Variants in C22orf23 observed in about 807,000 individuals in gnomAD.
C22orf23 encodes UPF0193 protein EVG1.
A neutral mutation model predicts 29.7 loss-of-function variants in C22orf23; 30 were observed. The ratio of observed to expected loss-of-function variants is 1.01; its 90% CI spans 0.76 to 1.37. C22orf23 has a LOEUF of 1.37. Ranked by LOEUF, C22orf23 falls within the 40% of genes most tolerant of loss-of-function variation. The pLI, the probability that C22orf23 is intolerant of heterozygous loss-of-function variation, is 0.00. For synonymous variants in C22orf23, 90 were observed against 96.1 expected, an observed-to-expected ratio of 0.94 and a Z score of 0.37; for missense variants, 237 against 273.1, an observed-to-expected ratio of 0.87 and a Z score of 0.93.
At position 37,953,164 on chromosome 22, in the gene C22orf23, G is replaced by A; in HGVS notation, c.-9-6C>T. Reference sequence around the variant, plus strand: ...TGTGAAGCCATGGGAGGACTCTGAGGAGGGAAAGACGCAATGACACACCCC... The same window carrying A: ...TGTGAAGCCATGGGAGGACTCTGAGAAGGGAAAGACGCAATGACACACCCC... On this transcript the variant is annotated splice_polypyrimidine_tract_variant and splice_region_variant and intron_variant, in intron 1 of 6. Coordinates refer to ENST00000403305, the MANE Select transcript of C22orf23 (RefSeq NM_032561.5). 1.3e-6 allele frequency: 2 copies of A among 1,595,788 alleles called. No homozygotes were observed. The highest frequency in any genetic ancestry group is 1.7e-6 in the Non-Finnish European group (2 of 1,164,372).
chr22:37,944,636 C>A lies in C22orf23; in HGVS notation c.482-119G>T, dbSNP rs565555420. On this transcript the variant is annotated intron_variant, in intron 5 of 6. Transcript: ENST00000403305. ...TGTTTCTAGGCCGGGCGCGGTGGCT[C>A]ACGCCTATAATCCCAGCACTTTGGG... 3 of 861,200 alleles carry A rather than the reference C, an allele frequency of 3.5e-6. No homozygotes were observed. In the East Asian group the frequency reaches 7.9e-5, roughly 23 times the overall value. 53.3% of individuals were successfully genotyped at this position (861,200 alleles called of 1,614,324 possible). A position where few individuals can be genotyped will look rare whatever the true frequency, so the allele number is the denominator to read the frequency against.
chr22:37,944,436 A>G lies in C22orf23; in HGVS notation c.563T>C (p.Ile188Thr), dbSNP rs775444329. 6.2e-7 allele frequency: 1 copy of G among 1,614,180 alleles called. No individual in the cohort carries two copies. Among genetic ancestry groups the G allele is most frequent in the Non-Finnish European group, 8.5e-7 (1 of 1,180,040 alleles). Residue 188 changes from isoleucine to threonine, a missense_variant, in exon 6 of 7, where the codon ATC becomes ACC. By Grantham distance (89) the Ile-to-Thr change is moderately conservative. Coordinates refer to ENST00000403305, the MANE Select transcript of C22orf23 (RefSeq NM_032561.5). Reference protein sequence around the residue: ...LGQGKQYRGIILAEISQKLRE... With the variant: ...LGQGKQYRGITLAEISQKLRE... ...TCCTACCTGGGAGATTTCAGCAAGG[A>G]TGATTCCTCGGTACTGTTTGCCCTG... is the stretch of plus-strand genomic sequence containing the variant.
chr22:37,951,513 T>C lies in C22orf23; in HGVS notation c.113A>G (p.Lys38Arg), dbSNP rs1569158138. The C allele has an allele frequency of 6.2e-7, 1 of 1,614,010 alleles. No homozygotes were observed. The highest frequency in any genetic ancestry group is 2.2e-5 in the East Asian group (1 of 44,874). Residue 38 changes from lysine (K) to arginine (R), a missense_variant, in exon 3 of 7, where the codon AAG becomes AGG. Lys to Arg is a conservative substitution (Grantham distance 26, BLOSUM62 2). Transcript: ENST00000403305. ...GTCELLRVMM[K>R]ESKLTNIQQR... ...CTGGATGTTCGTCAGTTTGGATTCC[T>C]TCATCATCACTGCACGACAAAGCAT...
chr22:37,948,136 G>A (rs1930813868), intron 3 of C22orf23, among the ~76,000 whole-genome samples: 1 of 150,852 alleles, frequency 6.6e-6, no homozygotes, highest in Non-Finnish European at 1.5e-5. Context: ...AAAAATAAAG[G>A]TAATACCTAC....
chr22:37,947,140 C>G, intron 4 of C22orf23, 141 bp downstream of exon 4: 4 of 830,894 alleles, frequency 4.8e-6, no homozygotes, highest in Non-Finnish European at 7.6e-6. Context: ...CCAACATGTG[C>G]TGAGGCTCAA....
intron 2 of C22orf23, 112 bp from the exon 3 acceptor site, chr22:37,951,634 G>T: frequency 1.3e-6 from 1 of 788,666 alleles, no homozygotes; most frequent in South Asian, 1.8e-5. Flanking sequence ...CACTGAGCAT[G>T]CCTTCTCTAT....
chr22:37,944,903 T>A (rs1010627629), intron 5 of C22orf23, 139 bp downstream of exon 5: 6 of 774,996 alleles, frequency 7.7e-6, no homozygotes, highest in Non-Finnish European at 7.7e-6. Flanking sequence ...TGTCTCAAAA[T>A]AAATAAATAA....
In C22orf23 at chr22:37,953,571, G is replaced by A; in HGVS notation, c.-133C>T. 1.7e-6 allele frequency: 1 copy of A among 593,288 alleles called. No homozygotes were observed. Among genetic ancestry groups the A allele is most frequent in the South Asian group, 2.1e-5 (1 of 46,840 alleles). 36.8% of individuals were successfully genotyped at this position (593,288 alleles called of 1,614,324 possible). A position where few individuals can be genotyped will look rare whatever the true frequency, so the allele number is the denominator to read the frequency against. ...GAAATACTGCGCGATCTGGGCTGCT[G>A]GAGCTGGCAGCTAGCGCCTCTCGCT... On this transcript the variant is annotated 5_prime_UTR_variant, in exon 1 of 7. Coordinates refer to ENST00000403305, the MANE Select transcript of C22orf23 (RefSeq NM_032561.5).
At chr22:37,949,284 G>GT (rs1215001658) in intron 3 of C22orf23, among the ~76,000 whole-genome samples, 4,798 of 129,310 alleles carry the variant, frequency 0.037, 201 homozygotes, top group African/African-American at 0.1. Flanking sequence ...CCCATCCATT[G>GT]TTTTTTTTTT....
chr22:37,953,067 C>T lies in C22orf23; in HGVS notation c.83G>A (p.Gly28Glu). Residue 28 changes from glycine (G) to glutamate (E), a missense_variant, in exon 2 of 7, where the codon GGG (glycine) becomes GAG (glutamate). Gly to Glu is a moderately conservative substitution (Grantham distance 98, BLOSUM62 -2). Transcript: ENST00000403305. ...RRPKTITYTP[G>E]TCELLRVMMK... The stretch of plus-strand genomic sequence containing the variant: ...CTGACCTCTGAGCAGCTCGCAGGTC[C>T]CCGGGGTGTAAGTGATGGTCTTGGG... 1 of 1,613,798 alleles carries T rather than the reference C, an allele frequency of 6.2e-7. No individual in the cohort carries two copies. The highest frequency in any genetic ancestry group is 1.7e-4 in the Middle Eastern group (1 of 6,038).
chr22:37,951,154 G>A (rs547127596), intron 3 of C22orf23: 100 of 214,476 alleles, frequency 4.7e-4, no homozygotes, highest in African/African-American at 2.2e-3. Flanking sequence ...AGAAGTTGCA[G>A]TGAGCCGAGA....
At position 37,951,542 on chromosome 22, in the gene C22orf23, A is replaced by G. The variant is rs935217971; in HGVS notation, c.104-20T>C. ...TCATCACTGCACGACAAAGCATTCT[A>G]TGAGGCCTCTTGGGCTGCAGGCGGA... On this transcript the variant is annotated intron_variant, in intron 2 of 6. Transcript: ENST00000403305. 19 of 1,612,656 alleles carry G rather than the reference A, an allele frequency of 1.2e-5. No individual in the cohort carries two copies. Among genetic ancestry groups the G allele is most frequent in the African/African-American group, 2.7e-5 (2 of 74,842 alleles).
intron 3 of C22orf23, 152 bp from the exon 4 acceptor site, chr22:37,947,615 A>C (rs560153162): frequency 1.1e-5 from 7 of 609,254 alleles, no homozygotes; most frequent in Non-Finnish European, 1.8e-5. Context: ...GGTTCAAGCG[A>C]TTCTCCTGCC....
At chr22:37,944,837 CT>C (rs1930599010) in intron 5 of C22orf23, 1 of 606,778 alleles carries the variant, frequency 1.6e-6, no homozygotes. Context: ...GAAGTGGAGG[CT>C]GCAGTGAGCC....
chr22:37,947,411 T>C lies in C22orf23; in HGVS notation c.219A>G (p.Leu73=). The C allele has an allele frequency of 6.2e-7, 1 of 1,611,720 alleles. No homozygotes were observed. The highest frequency in any genetic ancestry group is 8.5e-7 in the Non-Finnish European group (1 of 1,179,268). The change falls in exon 4 of 7, where the codon TTA becomes TTG. Residue 73 remains leucine, a synonymous_variant. Coordinates refer to ENST00000403305, the MANE Select transcript of C22orf23 (RefSeq NM_032561.5). The stretch of plus-strand genomic sequence containing the variant: ...TGGGCGAGGCTATTTGCTTGGAAGG[T>C]AAGACTCTCTGGCTGGATGTTGGGC... ...QCSPTSSQRV[L]PSKQIASPIY...
intron 4 of C22orf23, among the ~76,000 whole-genome samples, chr22:37,945,695 C>T (rs1930656208): frequency 6.7e-6 from 1 of 148,536 alleles, no homozygotes; most frequent in Non-Finnish European, 1.5e-5. Flanking sequence ...TGGAGTTTTG[C>T]CATGTTGCCC....
At chr22:37,944,308 C>T in intron 6 of C22orf23, 62 bp from the exon 7 acceptor site, 1 of 1,613,826 alleles carries the variant, frequency 6.2e-7, no homozygotes, top group Non-Finnish European at 8.5e-7. Flanking sequence ...GCTGTCACAG[C>T]AGTGAGCTAG....
At chr22:37,948,964 CCTT>C (rs1371690742) in intron 3 of C22orf23, among the ~76,000 whole-genome samples, 1 of 152,148 alleles carries the variant, frequency 6.6e-6, no homozygotes, top group Non-Finnish European at 1.5e-5. Flanking sequence ...CAGCTCACCT[CCTT>C]GTTTCAGAAA....
chr22:37,949,456 T>C (rs915719072), intron 3 of C22orf23, among the ~76,000 whole-genome samples: 2 of 134,442 alleles, frequency 1.5e-5, no homozygotes, highest in Non-Finnish European at 3.1e-5. Flanking sequence ...CTAATTTTTT[T>C]TTTTTTTTTT....
Sources: allele counts gnomAD v4.1 joint callset (sites outside exome capture counted in the v4.1 genomes callset), GRCh38; gene constraint gnomAD v4.1.1; transcripts MANE v1.5; gene names NCBI Gene and HGNC (gene_info 2026-07-23, HGNC 2026-07-21).